The following ANKRD28 variants were observed in gnomAD, a reference collection of about 807,000 sequenced individuals.
The protein encoded by ANKRD28 is serine/threonine-protein phosphatase 6 regulatory ankyrin repeat subunit A.
A neutral mutation model predicts 126.5 loss-of-function variants in ANKRD28; 44 were observed. The observed-to-expected ratio is 0.35, with a 90% CI of 0.27 to 0.45. The LOEUF is 0.45. Among genes scored for constraint, ANKRD28 ranks in the 20% least tolerant of loss-of-function variants. The pLI is 1.00. For missense variants in ANKRD28, 1,110 were observed against 1,316.6 expected, an observed-to-expected ratio of 0.84 and a Z score of 2.43; for synonymous variants, 442 against 468.5, an observed-to-expected ratio of 0.94 and a Z score of 0.73.
Position 15,830,668 on chromosome 3 carries a change from T to C in ANKRD28, c.27+28709A>G, listed in dbSNP as rs1265471023. Among the ~76,000 whole-genome samples, 2 of 151,956 alleles carry C rather than the reference T, an allele frequency of 1.3e-5. No individual in the cohort carries two copies. Among genetic ancestry groups the C allele is most frequent in the Non-Finnish European group, 2.9e-5 (2 of 67,998 alleles). ...GGGGACTGCTGCAGTAATGGATTAA[T>C]TTTGGCCAAAGAAAGGTTTGGCCCT... On this transcript the variant is annotated intron_variant, in intron 1 of 27. Coordinates refer to the ANKRD28 transcript ENST00000399451. This position sits in a 1 kb window ranked among gnomAD's most constrained non-coding sequence, Gnocchi z 4.5.
At position 15,670,349 on chromosome 3, in the gene ANKRD28, A is replaced by T; in HGVS notation, c.3173T>A (p.Phe1058Tyr). 1 of 1,613,828 alleles carries T rather than the reference A, an allele frequency of 6.2e-7. No homozygotes were observed. The highest frequency in any genetic ancestry group is 8.5e-7 in the Non-Finnish European group (1 of 1,179,782). Residue 1058 changes from phenylalanine (F) to tyrosine (Y), a missense_variant, in exon 28 of 28, where the codon TTC becomes TAC. By Grantham distance (22) the Phe-to-Tyr change is conservative. Transcript: ENST00000683139. ...CTCCTGTTCCCCTCCAATGTTATTG[A>T]AACTGCAATAGGAGCTAGGTTCATT... ...MRNEPSSYCS[F>Y]NNIGGEQEYL...
intron 17 of ANKRD28, among the ~76,000 whole-genome samples, chr3:15,692,532 T>C (rs924123211): frequency 7.2e-5 from 11 of 152,186 alleles, no homozygotes; most frequent in Non-Finnish European, 1.2e-4. Flanking sequence ...ACAGGGCTTT[T>C]CCCCCCATGA....
At chr3:15,683,227 C>A (rs183530556) in intron 21 of ANKRD28, among the ~76,000 whole-genome samples, 1 of 152,266 alleles carries the variant, frequency 6.6e-6, no homozygotes, top group East Asian at 1.9e-4. Flanking sequence ...GTCTTTGCTT[C>A]TGAACAGTTT....
chr3:15,833,067 T>C lies in ANKRD28; in HGVS notation c.27+26310A>G, dbSNP rs1011656268. 2.6e-5 allele frequency among the ~76,000 whole-genome samples: 4 copies of C among 152,210 alleles called. No individual in the cohort carries two copies. Among genetic ancestry groups the C allele is most frequent in the Non-Finnish European group, 4.4e-5 (3 of 68,038 alleles). ...CCAATAGTGTATAGTGTATAAGCAT[T>C]CCCTTTTCTTCACACCTGTGATGGT... On this transcript the variant is annotated intron_variant, in intron 1 of 27. Coordinates refer to the ANKRD28 transcript ENST00000399451. This position sits in a 1 kb window ranked among gnomAD's most constrained non-coding sequence, Gnocchi z 4.4.
At chr3:15,850,222 T>TAGAGAGAG (rs1402127071) in intron 1 of ANKRD28, among the ~76,000 whole-genome samples, 30 of 41,790 alleles carry the variant, frequency 7.2e-4, no homozygotes, top group African/African-American at 1.4e-3. Context: ...TATATATATA[T>TAGAGAGAG]ATAGAGAGAG....
At chr3:15,836,732 A>T (rs925421662) in intron 1 of ANKRD28, among the ~76,000 whole-genome samples, 6 of 152,132 alleles carry the variant, frequency 3.9e-5, no homozygotes, top group Non-Finnish European at 5.9e-5. Context: ...AAAGAGGAAC[A>T]TTTTTTTAAC....
intron 6 of ANKRD28, among the ~76,000 whole-genome samples, chr3:15,725,852 G>A (rs889157622): frequency 4.6e-5 from 7 of 152,082 alleles, no homozygotes; most frequent in African/African-American, 1.4e-4. Flanking sequence ...AGACCAGCCT[G>A]GCCAAAATAG....
intron 1 of ANKRD28, among the ~76,000 whole-genome samples, chr3:15,840,268 A>C (rs924343597): frequency 1.3e-5 from 2 of 152,220 alleles, no homozygotes; most frequent in African/African-American, 2.4e-5. Context: ...AATCTGAAAA[A>C]GAAATCAAGA....
intron 2 of ANKRD28, among the ~76,000 whole-genome samples, chr3:15,782,697 AAT>A: frequency 6.6e-6 from 1 of 152,232 alleles, no homozygotes. Flanking sequence ...TGAATCAATC[AAT>A]AGACTGTGAT....
intron 2 of ANKRD28, among the ~76,000 whole-genome samples, chr3:15,790,119 G>T (rs2059961005): frequency 6.6e-6 from 1 of 151,976 alleles, no homozygotes; most frequent in South Asian, 2.1e-4. Context: ...AACCAGAACA[G>T]ACCAGTAACA....
chr3:15,715,843 T>G (rs2072942142), intron 8 of ANKRD28, among the ~76,000 whole-genome samples: 1 of 152,138 alleles, frequency 6.6e-6, no homozygotes, highest in African/African-American at 2.4e-5. Context: ...TTTACCATTA[T>G]TTTTCATGTA....
At chr3:15,786,798 A>C (rs568486997) in intron 2 of ANKRD28, among the ~76,000 whole-genome samples, 1 of 152,132 alleles carries the variant, frequency 6.6e-6, no homozygotes. Flanking sequence ...TGAGTATGCA[A>C]GTATTGATAC....
rs1301497981 is a variant in ANKRD28, at chr3:15,797,271, C to CA, written c.-751dup. On this transcript the variant is annotated 5_prime_UTR_variant, in exon 1 of 28. It removes the in-frame stop codon of an upstream open reading frame in the 5' UTR. Transcript: ENST00000683139. ...TGCAGTACGTTTACATGTGATGAGTCAGACCACAAGAGACAATACGACTCT... is the reference window on the plus strand; with the variant it reads ...TGCAGTACGTTTACATGTGATGAGTCAAGACCACAAGAGACAATACGACTCT... The CA allele has an allele frequency of 1.0e-6, 1 of 984,296 alleles. No individual in the cohort carries two copies. The highest frequency in any genetic ancestry group is 1.8e-5 in the African/African-American group (1 of 56,926). The allele number at this position is 984,296 out of a possible 1,614,324, so 61.0% of individuals were successfully genotyped here.
chr3:15,718,404 CACT>C (rs1300952675), intron 8 of ANKRD28, among the ~76,000 whole-genome samples: 1 of 152,112 alleles, frequency 6.6e-6, no homozygotes, highest in Non-Finnish European at 1.5e-5. Flanking sequence ...TGAAATTCAC[CACT>C]GAGTTTTCTA....
upstream of ANKRD28, among the ~76,000 whole-genome samples, chr3:15,798,640 G>A (rs546499619): frequency 5.5e-4 from 84 of 151,660 alleles, no homozygotes; most frequent in Admixed American, 1.1e-3. Flanking sequence ...TGTTAAAGAG[G>A]TACATGAAAA....
chr3:15,799,073 ACT>A (rs1444810871), upstream of ANKRD28, among the ~76,000 whole-genome samples: 1 of 151,908 alleles, frequency 6.6e-6, no homozygotes, highest in Non-Finnish European at 1.5e-5. Flanking sequence ...TTAAACACAT[ACT>A]CTTTCTAATC....
At chr3:15,787,729 A>C (rs556036018) in intron 2 of ANKRD28, among the ~76,000 whole-genome samples, 2 of 152,332 alleles carry the variant, frequency 1.3e-5, no homozygotes, top group Non-Finnish European at 2.9e-5. Flanking sequence ...CAGCAGAAGC[A>C]ACATGTGGCC....
intron 2 of ANKRD28, among the ~76,000 whole-genome samples, chr3:15,790,369 G>A (rs745799848): frequency 2.0e-5 from 3 of 152,048 alleles, no homozygotes; most frequent in African/African-American, 4.8e-5. Flanking sequence ...TATCGCTGAT[G>A]AGTATTAATG....
chr3:15,713,768 C>A (rs2072637143), intron 9 of ANKRD28, 127 bp from the exon 10 acceptor site: 1 of 506,314 alleles, frequency 2.0e-6, no homozygotes, highest in Admixed American at 3.8e-5. Context: ...AACTAGATTT[C>A]ATTCATAGCT....
Sources: allele counts gnomAD v4.1 joint callset (sites outside exome capture counted in the v4.1 genomes callset), GRCh38; gene constraint gnomAD v4.1.1; non-coding constraint Gnocchi (gnomAD v3.1); transcripts MANE v1.5; gene names NCBI Gene and HGNC (gene_info 2026-07-23, HGNC 2026-07-21).